Variants in PCDH11Y observed in about 807,000 individuals in gnomAD.
The protein encoded by PCDH11Y is protocadherin 11 Y-linked, also known as protocadherin-11 Y-linked.
For missense variants in PCDH11Y, 12 were observed against 224.8 expected (o/e 0.05, Z 6.05); for synonymous variants, 9 against 83.6 (o/e 0.11, Z 4.87).
intron 2 of PCDH11Y, among the ~76,000 whole-genome samples, chrY:5,488,846 C>A: frequency 3.0e-5 from 1 of 32,869 alleles, no homozygotes; most frequent in Non-Finnish European, 7.5e-5. Context: ...CAGTATTGGA[C>A]CTAGAGTCAT....
intron 1 of PCDH11Y, among the ~76,000 whole-genome samples, chrY:5,031,707 A>C: frequency 6.1e-5 from 2 of 32,762 alleles, no homozygotes; most frequent in Non-Finnish European, 1.5e-4. Flanking sequence ...CATAAAACAC[A>C]ATCTTTATGT....
intron 4 of PCDH11Y, among the ~76,000 whole-genome samples, chrY:5,659,696 A>G (rs2053539492): frequency 3.6e-5 from 1 of 28,009 alleles, no homozygotes; most frequent in Non-Finnish European, 8.3e-5. Context: ...TCTGGCCTAA[A>G]GCAGGTCCAG....
At chrY:5,057,920 G>A in intron 1 of PCDH11Y, among the ~76,000 whole-genome samples, 1 of 31,594 alleles carries the variant, frequency 3.2e-5, no homozygotes, top group Non-Finnish European at 7.7e-5. Context: ...TTTGAGAGGT[G>A]ACTAGAACAA....
At chrY:5,594,032 C>A in intron 4 of PCDH11Y, among the ~76,000 whole-genome samples, 6 of 33,020 alleles carry the variant, frequency 1.8e-4, no homozygotes, top group African/African-American at 2.4e-4. Flanking sequence ...CTGTGTGGTA[C>A]CTGCATGTTG....
intron 2 of PCDH11Y, among the ~76,000 whole-genome samples, chrY:5,476,430 TAAAAAAAAAAAAAAA>T (rs1424925843): frequency 7.8e-3 from 3 of 385 alleles, no homozygotes; most frequent in African/African-American, 0.015. Flanking sequence ...GACCCTTTCT[TAAAAAAAAAAAAAAA>T]AAAAAAAAAA....
At chrY:5,379,699 C>G in intron 2 of PCDH11Y, among the ~76,000 whole-genome samples, 1 of 29,566 alleles carries the variant, frequency 3.4e-5, no homozygotes, top group South Asian at 8.4e-4. Flanking sequence ...TGGAACAACA[C>G]AGAGTCTGGC....
chrY:5,624,820 C>G, intron 4 of PCDH11Y, among the ~76,000 whole-genome samples: 1 of 32,592 alleles, frequency 3.1e-5, no homozygotes, highest in East Asian at 8.1e-4. Flanking sequence ...AATGTGATGC[C>G]TCCAGCTTTA....
chrY:5,272,424 C>G, intron 2 of PCDH11Y, among the ~76,000 whole-genome samples: 1 of 30,999 alleles, frequency 3.2e-5, no homozygotes, highest in Non-Finnish European at 7.8e-5. Context: ...CCTTATCCAG[C>G]TCAATGAATT....
intron 2 of PCDH11Y, among the ~76,000 whole-genome samples, chrY:5,447,631 G>T (rs2053288965): frequency 3.1e-5 from 1 of 32,566 alleles, no homozygotes; most frequent in Non-Finnish European, 7.5e-5. Flanking sequence ...AATAATTTTC[G>T]CTATTCAGAA....
intron 2 of PCDH11Y, among the ~76,000 whole-genome samples, chrY:5,156,171 G>A: frequency 1.0e-4 from 3 of 29,744 alleles, no homozygotes; most frequent in Non-Finnish European, 1.6e-4. Context: ...GAGTGTGTGT[G>A]TGTGTGTGTG....
At chrY:5,429,621 C>A in intron 2 of PCDH11Y, among the ~76,000 whole-genome samples, 1 of 32,927 alleles carries the variant, frequency 3.0e-5, no homozygotes. Context: ...AGAAAAGTGA[C>A]CTTAAACCAC....
intron 4 of PCDH11Y, among the ~76,000 whole-genome samples, chrY:5,695,315 A>C: frequency 3.8e-5 from 1 of 26,407 alleles, no homozygotes; most frequent in South Asian, 9.1e-4. Flanking sequence ...TATTTTTGGC[A>C]GATATATTTT....
intron 4 of PCDH11Y, among the ~76,000 whole-genome samples, chrY:5,669,177 G>A: frequency 9.2e-5 from 3 of 32,495 alleles, no homozygotes; most frequent in Non-Finnish European, 1.5e-4. Context: ...GGGAATATTC[G>A]AAATCCTCTC....
intron 2 of PCDH11Y, among the ~76,000 whole-genome samples, chrY:5,421,053 C>T (rs1602922880): frequency 3.8e-5 from 1 of 26,183 alleles, no homozygotes; most frequent in African/African-American, 1.5e-4. Context: ...TAAAAATACA[C>T]ACACACACAC....
chrY:5,519,227 A>G, intron 3 of PCDH11Y, among the ~76,000 whole-genome samples: 1 of 31,732 alleles, frequency 3.2e-5, no homozygotes, highest in Non-Finnish European at 7.6e-5. Flanking sequence ...CATCTCTACT[A>G]AAAATACAAA....
intron 4 of PCDH11Y, among the ~76,000 whole-genome samples, chrY:5,709,217 T>C (rs2124712869): frequency 3.2e-5 from 1 of 31,314 alleles, no homozygotes; most frequent in Admixed American, 3.0e-4. Context: ...ACTCATTACC[T>C]GGCCACCCCC....
intron 4 of PCDH11Y, among the ~76,000 whole-genome samples, chrY:5,682,254 T>G (rs1602959508): frequency 9.4e-5 from 1 of 10,629 alleles, no homozygotes; most frequent in African/African-American, 3.8e-4. Context: ...TTTTTTTTTT[T>G]TTTTTTTTTT....
rs377081896 is a variant in PCDH11Y at position 5,592,910 on chromosome Y, A to T, written c.3352+11112A>T. ...GTTTGTATGATGGGGTTCTCTTTTT[A>T]GGTGACCTGACTCTTCTCTAGTTGC... On this transcript the variant is annotated intron_variant, in intron 4 of 4. Transcript: ENST00000400457. Among the ~76,000 whole-genome samples the T allele has an allele frequency of 4.6e-3, 127 of 27,629 alleles. No homozygotes were observed. In the South Asian group the frequency reaches 0.078, roughly 17 times the overall value. 74.1% of individuals were successfully genotyped at this position (27,629 alleles called of 37,273 possible).
At chrY:5,017,377 T>C (rs2052562724) in intron 1 of PCDH11Y, among the ~76,000 whole-genome samples, 2 of 33,006 alleles carry the variant, frequency 6.1e-5, no homozygotes, top group East Asian at 1.5e-3. Flanking sequence ...GTGTAGTTTT[T>C]TTAATTGCAT....
Sources: gnomAD v4.1 joint callset for allele counts (sites outside exome capture counted in the v4.1 genomes callset) on GRCh38, gnomAD v4.1.1 for gene constraint, MANE v1.5 for transcripts, NCBI Gene and HGNC (gene_info 2026-07-23, HGNC 2026-07-21) for gene names.